Variants in SV2A observed in about 807,000 individuals in gnomAD.
SV2A encodes synaptic vesicle glycoprotein 2A.
A neutral mutation model predicts 78.0 loss-of-function variants in SV2A; 25 were observed. The ratio of observed to expected loss-of-function variants is 0.32; its 90% CI spans 0.23 to 0.45. The LOEUF is 0.45. Among genes scored for constraint, SV2A ranks in the 20% least tolerant of loss-of-function variants. The pLI is 1.00. For missense variants in SV2A, 752 were observed against 971.5 expected (o/e 0.77, Z 3.00); for synonymous variants, 355 against 384.7 (o/e 0.92, Z 0.90).
chr1:149,910,937 C>T lies in SV2A; in HGVS notation c.844G>A (p.Glu282Lys). 2 of 1,614,156 alleles carry T rather than the reference C, an allele frequency of 1.2e-6. No individual in the cohort carries two copies. The highest frequency in any genetic ancestry group is 1.7e-6 in the Non-Finnish European group (2 of 1,180,030). Residue 282 changes from glutamate (E) to lysine (K), a missense_variant, in exon 4 of 13, where the codon GAG (glutamate) becomes AAG (lysine). Glu to Lys is a moderately conservative substitution (Grantham distance 56, BLOSUM62 1). Transcript: ENST00000369146. This position sits in a 1 kb window ranked among gnomAD's most constrained non-coding sequence, Gnocchi z 4.2. ...SIPIVFSYFS[E>K]FLAQEKRGEH... ...CCTCGTTTCTCCTGGGCCAGAAACT[C>T]GGAGAAATAGGAGAAGACAATGGGG...
chr1:149,910,705 T>A lies in SV2A; in HGVS notation c.956-2A>T. 1 of 1,613,758 alleles carries A rather than the reference T, an allele frequency of 6.2e-7. No individual in the cohort carries two copies. Among genetic ancestry groups the A allele is most frequent in the Non-Finnish European group, 8.5e-7 (1 of 1,179,850 alleles). On this transcript the variant is annotated splice_acceptor_variant, in intron 4 of 12. Coordinates refer to ENST00000369146, the MANE Select transcript of SV2A (RefSeq NM_014849.5). LOFTEE classifies it high-confidence loss of function. This position sits in a 1 kb window ranked among gnomAD's most constrained non-coding sequence, Gnocchi z 4.2. Reference sequence around the variant, plus strand: ...CAGAACCCATCTGAAAACTCCACCCTGGTAGGGAGAAAGTGACAGCATCAG... The same window carrying A: ...CAGAACCCATCTGAAAACTCCACCCAGGTAGGGAGAAAGTGACAGCATCAG...
rs1463389346 is a variant in SV2A at position 149,909,192 on chromosome 1, C to A, written c.1379G>T (p.Ser460Ile). The stretch of plus-strand genomic sequence containing the variant: ...TCACCCAGCCCACCCATCTCCTCAC[C>A]TGAATGACATGGTGAACCACACACC... ...MMGVWFTMSF[S>I]YYGLTVWFPD... The change falls in exon 8 of 13, where the codon AGC (serine) becomes ATC (isoleucine). Residue 460 changes from serine to isoleucine, a missense_variant and splice_region_variant. This residue lies in a region of SV2A where 10 missense variants were observed against 31.1 expected (regional missense o/e 0.32). Transcript: ENST00000369146. 1 of 1,613,834 alleles carries A rather than the reference C, an allele frequency of 6.2e-7. No individual in the cohort carries two copies. The highest frequency in any genetic ancestry group is 8.5e-7 in the Non-Finnish European group (1 of 1,179,918).
Position 149,904,850 on chromosome 1 carries a change from G to C in SV2A, c.*164C>G. ...AGCCTTCCCTGTAGTCCCTGCCCAC[G>C]GGGTTTACACACATGCACACGCACA... On this transcript the variant is annotated 3_prime_UTR_variant, in exon 13 of 13. Transcript: ENST00000369146. 1.4e-6 allele frequency: 1 copy of C among 723,832 alleles called. No individual in the cohort carries two copies. The highest frequency in any genetic ancestry group is 2.2e-6 in the Non-Finnish European group (1 of 452,214). The allele number at this position is 723,832 out of a possible 1,614,324, so 44.8% of individuals were successfully genotyped here. A position where few individuals can be genotyped will look rare whatever the true frequency, so the allele number is the denominator to read the frequency against.
intron 2 of SV2A, 99 bp downstream of exon 2, chr1:149,913,120 G>A (rs1304399132): frequency 1.4e-6 from 2 of 1,464,812 alleles, no homozygotes; most frequent in East Asian, 4.6e-5. Context: ...CTTGGGTGCA[G>A]GGTCCTAGGG....
Position 149,914,122 on chromosome 1 carries a change from T to C in SV2A, c.-282A>G. ...AATGGGAAGGGGAAGGGGAGCCAGA[T>C]TGGGAGGCTAAGCCAGGATAACTCA... On this transcript the variant is annotated 5_prime_UTR_variant, in exon 2 of 13. Coordinates refer to ENST00000369146, the MANE Select transcript of SV2A (RefSeq NM_014849.5). 1 of 365,378 alleles carries C rather than the reference T, an allele frequency of 2.7e-6. No homozygotes were observed. The highest frequency in any genetic ancestry group is 6.3e-5 in the South Asian group (1 of 15,940). The allele number at this position is 365,378 out of a possible 1,614,324, so 22.6% of individuals were successfully genotyped here.
intron 2 of SV2A, 102 bp from the exon 3 acceptor site, chr1:149,912,082 A>G: frequency 8.2e-7 from 1 of 1,214,694 alleles, no homozygotes; most frequent in Non-Finnish European, 1.1e-6. Context: ...AAAAACTTCT[A>G]GAAGGTAAGT....
At chr1:149,914,520 C>A (rs587634662) in intron 1 of SV2A, among the ~76,000 whole-genome samples, 2 of 152,316 alleles carry the variant, frequency 1.3e-5, no homozygotes, top group African/African-American at 4.8e-5. Flanking sequence ...GAATTCCCTT[C>A]TTTAGTCTTG....
intron 8 of SV2A, 73 bp from the exon 9 acceptor site, chr1:149,908,279 G>A: frequency 6.5e-7 from 1 of 1,533,320 alleles, no homozygotes; most frequent in Admixed American, 1.9e-5. Flanking sequence ...TCAGGCAGAG[G>A]AGAAAACGGA....
intron 10 of SV2A, among the ~76,000 whole-genome samples, 185 bp downstream of exon 10, chr1:149,907,515 A>G (rs2092446353): frequency 6.6e-6 from 1 of 152,250 alleles, no homozygotes; most frequent in Non-Finnish European, 1.5e-5. Context: ...CTATTACAGG[A>G]AAATGTCCAA....
intron 3 of SV2A, 32 bp downstream of exon 3, chr1:149,911,768 G>A (rs2092476857): frequency 6.2e-7 from 1 of 1,604,870 alleles, no homozygotes; most frequent in Non-Finnish European, 8.5e-7. Context: ...GCACAGTCCT[G>A]CCCTCAAGGG....
At chr1:149,911,659 G>A (rs1300073690) in intron 3 of SV2A, 141 bp downstream of exon 3, 16 of 868,886 alleles carry the variant, frequency 1.8e-5, no homozygotes, top group Non-Finnish European at 2.6e-5. Context: ...ATGGCTGGGG[G>A]AGAAAGGAAC....
At chr1:149,909,054 C>T in intron 8 of SV2A, 138 bp downstream of exon 8, 1 of 753,814 alleles carries the variant, frequency 1.3e-6, no homozygotes, top group Non-Finnish European at 2.3e-6. Flanking sequence ...AGTAGAGGAG[C>T]TGGCTGCAGG....
rs181749319 is a variant in SV2A at position 149,916,965 on chromosome 1, C to T, written c.-348+774G>A. Among the ~76,000 whole-genome samples the T allele has an allele frequency of 1.3e-3, 195 of 152,124 alleles. 1 individual carries two copies. The highest frequency in any genetic ancestry group is 4.6e-3 in the African/African-American group (192 of 41,476). On this transcript the variant is annotated intron_variant, in intron 1 of 12. Coordinates refer to ENST00000369146, the MANE Select transcript of SV2A (RefSeq NM_014849.5). ...GAGAGGGGGACGCAGGGAGAGACCT[C>T]CGCATGCACAGACATAGAGACCGCC...
In SV2A at chr1:149,913,852, G is replaced by C. The variant is rs782595190; in HGVS notation, c.-12C>G. ...AAGCCCTCTTCCATGATGGGGCTTG[G>C]GGCACTTCACTGGGTCTTCTCCACC... On this transcript the variant is annotated 5_prime_UTR_variant, in exon 2 of 13. Coordinates refer to ENST00000369146, the MANE Select transcript of SV2A (RefSeq NM_014849.5). 1 of 1,592,384 alleles carries C rather than the reference G, an allele frequency of 6.3e-7. No individual in the cohort carries two copies. The highest frequency in any genetic ancestry group is 1.4e-5 in the African/African-American group (1 of 74,068).
chr1:149,908,850 G>A (rs1040002694), intron 8 of SV2A, among the ~76,000 whole-genome samples: 4 of 151,952 alleles, frequency 2.6e-5, no homozygotes, highest in Non-Finnish European at 5.9e-5. Context: ...AGCCAGGATG[G>A]TCTCGATCTC....
In SV2A at chr1:149,913,999, C is replaced by G; in HGVS notation, c.-159G>C. ...GCACAAAAAAAAGAGCAAACAGGTC[C>G]TAGCCAATGAGTGCCTAGGAAGGAA... On this transcript the variant is annotated 5_prime_UTR_variant, in exon 2 of 13. Coordinates refer to ENST00000369146, the MANE Select transcript of SV2A (RefSeq NM_014849.5). 3 of 1,137,316 alleles carry G rather than the reference C, an allele frequency of 2.6e-6. No homozygotes were observed. The South Asian group carries it at 5.0e-5, about 19-fold the overall frequency. 70.5% of individuals were successfully genotyped at this position (1,137,316 alleles called of 1,614,324 possible). A position where few individuals can be genotyped will look rare whatever the true frequency, so the allele number is the denominator to read the frequency against.
At position 149,910,038 on chromosome 1, in the gene SV2A, G is replaced by A. The variant is rs1438907626; in HGVS notation, c.1090-148C>T. ...CCCACCACCAAGCCCTGACCTATGGGCATGCACTCACCACTCTGAAAGAGC... is the reference window on the plus strand; with the variant it reads ...CCCACCACCAAGCCCTGACCTATGGACATGCACTCACCACTCTGAAAGAGC... On this transcript the variant is annotated intron_variant, in intron 5 of 12. Transcript: ENST00000369146. This position sits in a 1 kb window ranked among gnomAD's most constrained non-coding sequence, Gnocchi z 4.2. The A allele has an allele frequency of 5.6e-6, 4 of 708,664 alleles. No individual in the cohort carries two copies. Among genetic ancestry groups the A allele is most frequent in the Non-Finnish European group, 9.8e-6 (4 of 408,282 alleles). 43.9% of individuals were successfully genotyped at this position (708,664 alleles called of 1,614,324 possible).
chr1:149,915,710 G>C (rs1553764452), intron 1 of SV2A, among the ~76,000 whole-genome samples: 1 of 152,140 alleles, frequency 6.6e-6, no homozygotes, highest in African/African-American at 2.4e-5. Context: ...TGCGTAGGAG[G>C]CGGATGTAGA....
chr1:149,912,647 T>G (rs1256444894), intron 2 of SV2A, among the ~76,000 whole-genome samples: 1 of 152,058 alleles, frequency 6.6e-6, no homozygotes, highest in African/African-American at 2.4e-5. Context: ...CTCGATTCTT[T>G]CTCTGTGAGT....
Sources: allele counts gnomAD v4.1 joint callset (sites outside exome capture counted in the v4.1 genomes callset), GRCh38; gene constraint gnomAD v4.1.1; regional missense constraint gnomAD v4.1.1; non-coding constraint Gnocchi (gnomAD v3.1); transcripts MANE v1.5; gene names NCBI Gene and HGNC (gene_info 2026-07-23, HGNC 2026-07-21).